Variants in PARD3B observed in about 807,000 individuals in gnomAD.
The protein encoded by PARD3B is par-3 family cell polarity regulator beta.
A neutral mutation model predicts 130.2 loss-of-function variants in PARD3B; 103 were observed. The ratio of observed to expected loss-of-function variants is 0.79; its 90% CI spans 0.67 to 0.93. PARD3B has a LOEUF of 0.93. PARD3B is among the 40% of genes least tolerant of loss of function. The pLI, the probability that PARD3B is intolerant of heterozygous loss-of-function variation, is 0.00. For synonymous variants in PARD3B, 583 were observed against 553.2 expected (o/e 1.05, Z -0.76); for missense variants, 1,609 against 1,499.2 (o/e 1.07, Z -1.21).
chr2:204,832,670 A>G (rs770808515), intron 2 of PARD3B, among the ~76,000 whole-genome samples: 15 of 152,142 alleles, frequency 9.9e-5, no homozygotes, highest in Non-Finnish European at 1.8e-4. Context: ...CTTGGCTGTG[A>G]TGGGTACGCT....
intron 3 of PARD3B, among the ~76,000 whole-genome samples, chr2:205,036,676 AAT>A (rs1697932751): frequency 6.8e-6 from 1 of 146,678 alleles, no homozygotes; most frequent in Non-Finnish European, 1.5e-5. Context: ...ATGTACAAAA[AAT>A]ATATATACAC....
chr2:205,394,381 T>C (rs1270110432), intron 18 of PARD3B, among the ~76,000 whole-genome samples: 1 of 152,168 alleles, frequency 6.6e-6, no homozygotes, highest in Admixed American at 6.6e-5. Flanking sequence ...TTAAATGCCC[T>C]GGAATTCCTC....
chr2:204,730,580 A>AC (rs1559096244), intron 2 of PARD3B, among the ~76,000 whole-genome samples: 1 of 134,202 alleles, frequency 7.5e-6, no homozygotes, highest in African/African-American at 3.3e-5. Flanking sequence ...GGGTAAAAAA[A>AC]AAAAGAAAAA....
At chr2:205,552,310 C>T (rs370701793) in intron 21 of PARD3B, among the ~76,000 whole-genome samples, 4 of 117,236 alleles carry the variant, frequency 3.4e-5, no homozygotes, top group South Asian at 2.9e-4. Flanking sequence ...TCAGGGTGGT[C>T]GGGGGGCATC....
intron 18 of PARD3B, among the ~76,000 whole-genome samples, chr2:205,390,874 A>C (rs1574897462): frequency 6.6e-6 from 1 of 152,344 alleles, no homozygotes; most frequent in East Asian, 1.9e-4. Context: ...TTGATGTTTT[A>C]TTTAGAGACT....
chr2:204,952,853 C>T (rs183084019), intron 2 of PARD3B, among the ~76,000 whole-genome samples: 7 of 151,714 alleles, frequency 4.6e-5, no homozygotes, highest in Non-Finnish European at 8.8e-5. Flanking sequence ...AAAAATTAGC[C>T]GGGTGTGGTG....
chr2:204,991,186 A>G (rs113814178), intron 3 of PARD3B, among the ~76,000 whole-genome samples: 1 of 150,902 alleles, frequency 6.6e-6, no homozygotes, highest in East Asian at 2.0e-4. Flanking sequence ...CTAACGCATC[A>G]TCTAGCATTA....
At chr2:205,369,118 T>C (rs912838815) in intron 18 of PARD3B, among the ~76,000 whole-genome samples, 1 of 152,138 alleles carries the variant, frequency 6.6e-6, no homozygotes, top group Non-Finnish European at 1.5e-5. Flanking sequence ...GCAAGAGAAA[T>C]TGGGTGCCTT....
At chr2:204,582,184 C>T (rs1253031457) in intron 1 of PARD3B, among the ~76,000 whole-genome samples, 1 of 152,100 alleles carries the variant, frequency 6.6e-6, no homozygotes, top group African/African-American at 2.4e-5. Flanking sequence ...ACGTACAGCC[C>T]ACTCAATGAG....
Position 205,158,523 on chromosome 2 carries a change from C to T in PARD3B, c.1435-199C>T, listed in dbSNP as rs1017815252. On this transcript the variant is annotated intron_variant, in intron 10 of 22. Transcript: ENST00000406610. This position sits in a 1 kb window ranked among gnomAD's most constrained non-coding sequence, Gnocchi z 5.4. The stretch of plus-strand genomic sequence containing the variant: ...ATTACCGAATAGTATTCCCTGAAAC[C>T]TCTTCCCCTGCTCCATGGATGTGAC... Among the ~76,000 whole-genome samples the T allele has an allele frequency of 6.6e-6, 1 of 152,186 alleles. No homozygotes were observed. Among genetic ancestry groups the T allele is most frequent in the Non-Finnish European group, 1.5e-5 (1 of 68,042 alleles).
chr2:205,024,645 G>A (rs923469470), intron 3 of PARD3B, among the ~76,000 whole-genome samples: 1 of 152,146 alleles, frequency 6.6e-6, no homozygotes, highest in Non-Finnish European at 1.5e-5. Flanking sequence ...GCTAGACCAA[G>A]GTTAGAAGAA....
intron 21 of PARD3B, among the ~76,000 whole-genome samples, chr2:205,533,861 G>T (rs1052060823): frequency 6.6e-6 from 1 of 152,062 alleles, no homozygotes; most frequent in African/African-American, 2.4e-5. Flanking sequence ...CCAAGTATCT[G>T]GAACTACAGG....
intron 10 of PARD3B, among the ~76,000 whole-genome samples, chr2:205,131,051 A>G (rs2031953994): frequency 6.6e-6 from 1 of 152,288 alleles, no homozygotes; most frequent in South Asian, 2.1e-4. Context: ...ATTATTTAGC[A>G]TCATAAATTA....
chr2:204,771,518 C>G (rs1298165444), intron 2 of PARD3B, among the ~76,000 whole-genome samples: 2 of 151,992 alleles, frequency 1.3e-5, no homozygotes, highest in African/African-American at 4.8e-5. Context: ...CTAAGGAGTA[C>G]TAGGGCAGGG....
chr2:205,278,320 T>A (rs1294897675), intron 16 of PARD3B, among the ~76,000 whole-genome samples: 1 of 152,116 alleles, frequency 6.6e-6, no homozygotes, highest in South Asian at 2.1e-4. Context: ...GCAGGGTTTT[T>A]AGGAGAGACT....
chr2:204,981,229 A>G (rs1254575495), intron 3 of PARD3B, among the ~76,000 whole-genome samples: 1 of 152,190 alleles, frequency 6.6e-6, no homozygotes, highest in Non-Finnish European at 1.5e-5. Flanking sequence ...AACCTAGGTA[A>G]TTCTCAACAG....
chr2:205,414,985 A>T (rs894488361), intron 19 of PARD3B, among the ~76,000 whole-genome samples: 4 of 152,128 alleles, frequency 2.6e-5, no homozygotes, highest in African/African-American at 9.6e-5. Flanking sequence ...GGTGTGATTC[A>T]CATGTTTTTA....
rs1389559112 is a variant in PARD3B, at chr2:205,229,686, G to A, written c.2141-16092G>A. On this transcript the variant is annotated intron_variant, in intron 15 of 22. Coordinates refer to ENST00000406610, the MANE Select transcript of PARD3B (RefSeq NM_001302769.2). The surrounding 1 kb of genome is among the most constrained non-coding windows in gnomAD (Gnocchi z 5.2). ...CTGGCTACCACCTACATTTGCTTAG[G>A]ACACTAGAGCTCCGCAATAAGCAGG... 6.6e-6 allele frequency among the ~76,000 whole-genome samples: 1 copy of A among 152,066 alleles called. No individual in the cohort carries two copies. Among genetic ancestry groups the A allele is most frequent in the Admixed American group, 6.5e-5 (1 of 15,270 alleles).
At chr2:205,535,231 C>G (rs1266195223) in intron 21 of PARD3B, among the ~76,000 whole-genome samples, 3 of 152,180 alleles carry the variant, frequency 2.0e-5, no homozygotes, top group Non-Finnish European at 4.4e-5. Flanking sequence ...TCACAGACAT[C>G]TAAGCCCGGT....
Sources: gnomAD v4.1 joint callset for allele counts (sites outside exome capture counted in the v4.1 genomes callset) on GRCh38, gnomAD v4.1.1 for gene constraint, Gnocchi (gnomAD v3.1) non-coding constraint, MANE v1.5 for transcripts, NCBI Gene and HGNC (gene_info 2026-07-23, HGNC 2026-07-21) for gene names.